Variants in PIEZO2 observed in about 807,000 individuals in gnomAD.
PIEZO2 encodes piezo type mechanosensitive ion channel component 2.
In PIEZO2, 172 loss-of-function variants were observed where a neutral mutation model predicts 337.3. The ratio of observed to expected loss-of-function variants is 0.51; its 90% CI spans 0.45 to 0.58. PIEZO2 has a LOEUF of 0.58. Ranked by LOEUF, PIEZO2 falls within the 20% of genes least tolerant of loss-of-function variation. The pLI, the probability that PIEZO2 is intolerant of heterozygous loss-of-function variation, is 0.00. For missense variants in PIEZO2, 3,028 were observed against 3,391.3 expected, an observed-to-expected ratio of 0.89 and a Z score of 2.66; for synonymous variants, 1,251 against 1,228.5, an observed-to-expected ratio of 1.02 and a Z score of -0.38.
intron 1 of PIEZO2, among the ~76,000 whole-genome samples, chr18:11,081,570 G>A (rs561357611): frequency 4.6e-4 from 70 of 152,230 alleles, no homozygotes; most frequent in Middle Eastern, 3.4e-3. Flanking sequence ...CTGACCTCCT[G>A]AGCCATCCTG....
chr18:11,015,460 A>G (rs1017349514), intron 2 of PIEZO2, among the ~76,000 whole-genome samples: 1 of 152,234 alleles, frequency 6.6e-6, no homozygotes, highest in African/African-American at 2.4e-5. Context: ...AGTTAATGGT[A>G]ATTAACTTAC....
rs572992259 is a variant in PIEZO2 at position 11,047,656 on chromosome 18, G to A, written c.160+18471C>T. 6.6e-6 allele frequency among the ~76,000 whole-genome samples: 1 copy of A among 152,268 alleles called. No individual in the cohort carries two copies. Among genetic ancestry groups the A allele is most frequent in the East Asian group, 1.9e-4 (1 of 5,178 alleles). The stretch of plus-strand genomic sequence containing the variant: ...GGAGAATCGAAGTCTTGGTCCTAAG[G>A]AGGAGGGCACGGGGGGAATCTGGGG... On this transcript the variant is annotated intron_variant, in intron 2 of 55. Coordinates refer to ENST00000674853, the MANE Select transcript of PIEZO2 (RefSeq NM_001378183.1). The surrounding 1 kb of genome is among the most constrained non-coding windows in gnomAD (Gnocchi z 7.2).
At position 10,993,590 on chromosome 18, in the gene PIEZO2, G is replaced by A. The variant is rs367962001; in HGVS notation, c.161-13930C>T. Among the ~76,000 whole-genome samples the A allele has an allele frequency of 2.0e-5, 3 of 152,148 alleles. No individual in the cohort carries two copies. The highest frequency in any genetic ancestry group is 2.9e-5 in the Non-Finnish European group (2 of 67,988). Reference sequence around the variant, plus strand: ...GGCCCAGGCTGGAGTACAGTGGCACGATCTCGCCTCACTGCAACCTCCGCC... The same window carrying A: ...GGCCCAGGCTGGAGTACAGTGGCACAATCTCGCCTCACTGCAACCTCCGCC... On this transcript the variant is annotated intron_variant, in intron 2 of 55. Transcript: ENST00000674853. This position sits in a 1 kb window ranked among gnomAD's most constrained non-coding sequence, Gnocchi z 5.0.
At chr18:10,725,053 A>G in intron 36 of PIEZO2, 1 of 1,556,660 alleles carries the variant, frequency 6.4e-7, no homozygotes, top group Non-Finnish European at 8.9e-7. Context: ...CCTGCGGCCA[A>G]CCAACGTGGA....
At chr18:10,906,516 A>G (rs1366250532) in intron 4 of PIEZO2, among the ~76,000 whole-genome samples, 1 of 152,108 alleles carries the variant, frequency 6.6e-6, no homozygotes, top group African/African-American at 2.4e-5. Flanking sequence ...GATAGAGAAA[A>G]TTGTGTTCAG....
intron 3 of PIEZO2, among the ~76,000 whole-genome samples, chr18:10,978,052 G>T (rs118105084): frequency 6.6e-6 from 1 of 152,198 alleles, no homozygotes; most frequent in East Asian, 1.9e-4. Flanking sequence ...GCCAGGTGTG[G>T]TGGCTCACGC....
Position 10,726,956 on chromosome 18 carries a change from C to A in PIEZO2, c.5029+4451G>T. ...CCCGACTGATGTAGGTTGAGGGCTG[C>A]AGACAGAGGCCCTGGACAGAAGCTC... On this transcript the variant is annotated intron_variant, in intron 36 of 55. Transcript: ENST00000674853. This position sits in a 1 kb window ranked among gnomAD's most constrained non-coding sequence, Gnocchi z 5.9. The A allele has an allele frequency of 7.1e-7, 1 of 1,415,204 alleles. No individual in the cohort carries two copies. Among genetic ancestry groups the A allele is most frequent in the Non-Finnish European group, 9.6e-7 (1 of 1,037,352 alleles). 87.7% of individuals were successfully genotyped at this position (1,415,204 alleles called of 1,614,324 possible).
At chr18:11,147,857 C>T (rs1180582913) in intron 1 of PIEZO2, among the ~76,000 whole-genome samples, 1 of 152,244 alleles carries the variant, frequency 6.6e-6, no homozygotes, top group Non-Finnish European at 1.5e-5. Flanking sequence ...GGAGTTCCAA[C>T]CCTGCTTTCT....
rs1388448758 is a variant in PIEZO2 at position 10,775,625 on chromosome 18, C to G, written c.2535-1587G>C. Reference sequence around the variant, plus strand: ...TTCCACAGCTGCTACTACAGCTACACAGCAGATGTCCTTAAGCAACGATGC... The same window carrying G: ...TTCCACAGCTGCTACTACAGCTACAGAGCAGATGTCCTTAAGCAACGATGC... On this transcript the variant is annotated intron_variant, in intron 18 of 55. Transcript: ENST00000674853. The surrounding 1 kb of genome is among the most constrained non-coding windows in gnomAD (Gnocchi z 4.3). Among the ~76,000 whole-genome samples the G allele has an allele frequency of 6.6e-6, 1 of 152,206 alleles. No homozygotes were observed. Among genetic ancestry groups the G allele is most frequent in the Non-Finnish European group, 1.5e-5 (1 of 68,038 alleles).
intron 2 of PIEZO2, among the ~76,000 whole-genome samples, chr18:10,997,504 T>C (rs2035369585): frequency 6.6e-6 from 1 of 152,108 alleles, no homozygotes; most frequent in Non-Finnish European, 1.5e-5. Flanking sequence ...CCAGGCTCCA[T>C]GATGTAAAAG....
intron 4 of PIEZO2, among the ~76,000 whole-genome samples, chr18:10,885,929 T>C (rs866587715): frequency 1.5e-4 from 23 of 152,080 alleles, no homozygotes; most frequent in African/African-American, 5.1e-4. Context: ...TTTGTTCCTA[T>C]TCAAGTCAAG....
intron 36 of PIEZO2, among the ~76,000 whole-genome samples, chr18:10,719,300 T>C (rs765585192): frequency 7.2e-5 from 11 of 152,218 alleles, no homozygotes; most frequent in Non-Finnish European, 1.5e-4. Context: ...CATCACCAAA[T>C]GGCAAACATT....
At chr18:11,145,517 T>G (rs2040787327) in intron 1 of PIEZO2, among the ~76,000 whole-genome samples, 1 of 152,226 alleles carries the variant, frequency 6.6e-6, no homozygotes, top group South Asian at 2.1e-4. Flanking sequence ...TACAAAGGCT[T>G]AGCTTTGAAG....
intron 1 of PIEZO2, among the ~76,000 whole-genome samples, chr18:11,098,020 C>G (rs998467566): frequency 6.6e-6 from 1 of 151,926 alleles, no homozygotes; most frequent in African/African-American, 2.4e-5. Context: ...TCCAGTAAAC[C>G]TACTTCTAAG....
At chr18:10,786,772 A>C (rs2039239031) in intron 16 of PIEZO2, among the ~76,000 whole-genome samples, 1 of 152,192 alleles carries the variant, frequency 6.6e-6, no homozygotes, top group South Asian at 2.1e-4. Context: ...AAGCACGACT[A>C]AGTGTTAGGT....
chr18:10,856,424 T>C lies in PIEZO2; in HGVS notation c.703+577A>G, dbSNP rs563016060. ...TGAGTCTACTCTAATACGCCTCCCA[T>C]AGCTCCGGGGCAGTGGTGAGCAGTG... On this transcript the variant is annotated intron_variant, in intron 6 of 55. Transcript: ENST00000674853. This position sits in a 1 kb window ranked among gnomAD's most constrained non-coding sequence, Gnocchi z 4.7. Among the ~76,000 whole-genome samples, 21 of 152,216 alleles carry C rather than the reference T, an allele frequency of 1.4e-4. No individual in the cohort carries two copies. The highest frequency in any genetic ancestry group is 4.6e-4 in the Admixed American group (7 of 15,286).
At position 11,070,507 on chromosome 18, in the gene PIEZO2, G is replaced by A. The variant is rs967443216; in HGVS notation, c.65-4285C>T. On this transcript the variant is annotated intron_variant, in intron 1 of 55. Coordinates refer to ENST00000674853, the MANE Select transcript of PIEZO2 (RefSeq NM_001378183.1). The surrounding 1 kb of genome is among the most constrained non-coding windows in gnomAD (Gnocchi z 4.3). ...GGGATGAGAGGGGGCAAGCAAACTGGCAGGTAGGAAAGAAAAAAGCAGCAG... is the reference window on the plus strand; with the variant it reads ...GGGATGAGAGGGGGCAAGCAAACTGACAGGTAGGAAAGAAAAAAGCAGCAG... Among the ~76,000 whole-genome samples, 1 of 152,188 alleles carries A rather than the reference G, an allele frequency of 6.6e-6. No homozygotes were observed. Among genetic ancestry groups the A allele is most frequent in the East Asian group, 1.9e-4 (1 of 5,196 alleles).
intron 3 of PIEZO2, among the ~76,000 whole-genome samples, chr18:10,963,131 A>C (rs34627145): frequency 6.6e-6 from 1 of 152,000 alleles, no homozygotes; most frequent in South Asian, 2.1e-4. Context: ...CTAAAAATAC[A>C]AAAATTAGCT....
chr18:11,029,907 T>A (rs1040230481), intron 2 of PIEZO2, among the ~76,000 whole-genome samples: 25 of 152,194 alleles, frequency 1.6e-4, no homozygotes, highest in African/African-American at 4.8e-4. Flanking sequence ...GCCATGTTCC[T>A]TTTTTATCTT....
Sources: gnomAD v4.1 joint callset for allele counts (sites outside exome capture counted in the v4.1 genomes callset) on GRCh38, gnomAD v4.1.1 for gene constraint, Gnocchi (gnomAD v3.1) non-coding constraint, MANE v1.5 for transcripts, NCBI Gene and HGNC (gene_info 2026-07-23, HGNC 2026-07-21) for gene names.